The following SPTBN1 variants were observed in gnomAD, a reference collection of about 807,000 sequenced individuals.
SPTBN1 encodes spectrin beta chain, non-erythrocytic 1.
SPTBN1 carries 32 observed loss-of-function variants against 266.4 expected under a neutral mutation model. The observed-to-expected ratio is 0.12, with a 90% CI of 0.09 to 0.16. SPTBN1 has a LOEUF of 0.16. Among genes scored for constraint, SPTBN1 ranks in the 10% least tolerant of loss-of-function variants. SPTBN1 has a pLI of 1.00. For synonymous variants in SPTBN1, 1,336 were observed against 1,162.2 expected (o/e 1.15, Z -3.04); for missense variants, 2,296 against 3,067.1 (o/e 0.75, Z 5.94).
At position 54,649,795 on chromosome 2, in the gene SPTBN1, G is replaced by T. The variant is rs1181161162; in HGVS notation, c.5383G>T (p.Asp1795Tyr). Residue 1795 changes from aspartate (D) to tyrosine (Y), a missense_variant, in exon 26 of 36, where the codon GAC (aspartate) becomes TAC (tyrosine). Asp to Tyr is a radical substitution (Grantham distance 160). Coordinates refer to ENST00000356805, the MANE Select transcript of SPTBN1 (RefSeq NM_003128.3). The surrounding 1 kb of genome is among the most constrained non-coding windows in gnomAD (Gnocchi z 6.7). ...EAWADLLELIDTRTQILAASY... is the reference protein window; with the variant it reads ...EAWADLLELIYTRTQILAASY... ...CTGGGCCGACCTCCTGGAGCTCATT[G>T]ACACAAGAACACAGATTCTTGCCGC... is the stretch of plus-strand genomic sequence containing the variant. 3 of 1,614,074 alleles carry T rather than the reference G, an allele frequency of 1.9e-6. No homozygotes were observed. Among genetic ancestry groups the T allele is most frequent in the African/African-American group, 1.3e-5 (1 of 74,930 alleles).
At position 54,649,510 on chromosome 2, in the gene SPTBN1, C is replaced by T; in HGVS notation, c.5203-105C>T. 1 of 1,469,440 alleles carries T rather than the reference C, an allele frequency of 6.8e-7. No individual in the cohort carries two copies. 91.0% of individuals were successfully genotyped at this position (1,469,440 alleles called of 1,614,324 possible). The stretch of plus-strand genomic sequence containing the variant: ...GTTCTGAAGTCATGAGTATTATTGG[C>T]TACATCTTGCTTAGAGGCAGTTTCT... On this transcript the variant is annotated intron_variant, in intron 25 of 35. Transcript: ENST00000356805. This position sits in a 1 kb window ranked among gnomAD's most constrained non-coding sequence, Gnocchi z 6.7.
chr2:54,505,294 C>G (rs994191564), intron 1 of SPTBN1, among the ~76,000 whole-genome samples: 2 of 152,170 alleles, frequency 1.3e-5, no homozygotes, highest in Non-Finnish European at 2.9e-5. Flanking sequence ...ACACAGTACT[C>G]AGTTCTTTCT....
At chr2:54,480,022 A>G (rs1668021314) in intron 1 of SPTBN1, among the ~76,000 whole-genome samples, 1 of 152,148 alleles carries the variant, frequency 6.6e-6, no homozygotes, top group Non-Finnish European at 1.5e-5. Context: ...CACCTGCTCA[A>G]ACTTAATTGC....
intron 10 of SPTBN1, among the ~76,000 whole-genome samples, 164 bp from the exon 11 acceptor site, chr2:54,624,640 T>G (rs78071415): frequency 0.024 from 3,615 of 152,216 alleles, 145 homozygotes; most frequent in African/African-American, 0.08. Context: ...GAAAAACCCG[T>G]TTTTTTCCTC....
chr2:54,630,763 T>G, intron 15 of SPTBN1, 92 bp from the exon 16 acceptor site: 1 of 1,407,000 alleles, frequency 7.1e-7, no homozygotes, highest in Non-Finnish European at 9.4e-7. Flanking sequence ...AGAAAACAGA[T>G]AAGCAGCATT....
In SPTBN1 at chr2:54,668,464, C is replaced by A. The variant is rs763270621; in HGVS notation, c.6990C>A (p.Pro2330=). 1 of 1,614,218 alleles carries A rather than the reference C, an allele frequency of 6.2e-7. No homozygotes were observed. Among genetic ancestry groups the A allele is most frequent in the Non-Finnish European group, 8.5e-7 (1 of 1,180,036 alleles). ...CATCCAGCCGCGCGCAGACCCTCCC[C>A]ACCAGCGTCGTCACCATCACCAGCG... ...TPASSRAQTL[P]TSVVTITSES... The change falls in exon 36 of 36, where the codon CCC becomes CCA. Residue 2330 remains proline, a synonymous_variant. Coordinates refer to ENST00000356805, the MANE Select transcript of SPTBN1 (RefSeq NM_003128.3).
chr2:54,514,004 C>T (rs776717692), intron 1 of SPTBN1, among the ~76,000 whole-genome samples: 5 of 152,078 alleles, frequency 3.3e-5, no homozygotes, highest in South Asian at 2.1e-4. Flanking sequence ...TATATGTAAG[C>T]GGAGAAGAAG....
Position 54,625,935 on chromosome 2 carries a change from A to C in SPTBN1, c.1345A>C (p.Asn449His). The C allele has an allele frequency of 6.2e-7, 1 of 1,612,428 alleles. No homozygotes were observed. The highest frequency in any genetic ancestry group is 8.5e-7 in the Non-Finnish European group (1 of 1,178,522). Residue 449 changes from asparagine to histidine, a missense_variant, in exon 12 of 36, where the codon AAC becomes CAC. By Grantham distance (68) the Asn-to-His change is moderately conservative (BLOSUM62 1). Around this residue, in one of 12 missense-constraint regions of SPTBN1, gnomAD observed 148 missense variants for 203.8 expected, o/e 0.73. Coordinates refer to ENST00000356805, the MANE Select transcript of SPTBN1 (RefSeq NM_003128.3). ...SENQRLVSQD[N>H]FGFDLPAVEA... ...TTTTCATTCCGTTTCTCTGTAGGAC[A>C]ACTTTGGGTTTGACCTTCCTGCAGT... is the stretch of plus-strand genomic sequence containing the variant.
chr2:54,474,182 G>C (rs893844617), intron 1 of SPTBN1, among the ~76,000 whole-genome samples: 1 of 152,234 alleles, frequency 6.6e-6, no homozygotes, highest in Non-Finnish European at 1.5e-5. Context: ...AATTGAACTT[G>C]TTGAACTGGT....
chr2:54,458,793 G>A (rs1003961357), intron 1 of SPTBN1, among the ~76,000 whole-genome samples: 1 of 152,170 alleles, frequency 6.6e-6, no homozygotes. Flanking sequence ...AGGTGAAAAA[G>A]GAAATTTCAA....
chr2:54,609,965 G>A (rs1677101174), intron 3 of SPTBN1, among the ~76,000 whole-genome samples: 1 of 152,162 alleles, frequency 6.6e-6, no homozygotes, highest in Non-Finnish European at 1.5e-5. Flanking sequence ...AGTAGAGTTA[G>A]CCTATCCCTT....
chr2:54,464,914 A>G (rs1006064484), intron 1 of SPTBN1, among the ~76,000 whole-genome samples: 2 of 151,878 alleles, frequency 1.3e-5, no homozygotes, highest in Admixed American at 1.3e-4. Flanking sequence ...CTGGTCTTCA[A>G]CTCCTGAACT....
At chr2:54,507,426 A>G (rs941671783) in intron 1 of SPTBN1, among the ~76,000 whole-genome samples, 5 of 152,184 alleles carry the variant, frequency 3.3e-5, no homozygotes, top group African/African-American at 1.2e-4. Context: ...GACTGGGGCA[A>G]CATGGAAACC....
chr2:54,606,350 G>C (rs998786645), intron 3 of SPTBN1, among the ~76,000 whole-genome samples: 15 of 152,190 alleles, frequency 9.9e-5, no homozygotes, highest in Admixed American at 3.3e-4. Flanking sequence ...GGCTGCTGCA[G>C]TTAGAAGTTT....
chr2:54,628,703 A>G lies in SPTBN1; in HGVS notation c.1799-230A>G, dbSNP rs1678519463. Among the ~76,000 whole-genome samples the G allele has an allele frequency of 6.6e-6, 1 of 152,166 alleles. No individual in the cohort carries two copies. The highest frequency in any genetic ancestry group is 6.5e-5 in the Admixed American group (1 of 15,288). On this transcript the variant is annotated intron_variant, in intron 13 of 35. Coordinates refer to ENST00000356805, the MANE Select transcript of SPTBN1 (RefSeq NM_003128.3). This position sits in a 1 kb window ranked among gnomAD's most constrained non-coding sequence, Gnocchi z 4.3. ...AGTGCTTTCTTGCAGGAGGATGATC[A>G]CTTTGTCTGCGGTTTGGCCAAAAAA...
chr2:54,567,678 A>G (rs1272492362), intron 2 of SPTBN1, among the ~76,000 whole-genome samples: 6 of 152,226 alleles, frequency 3.9e-5, no homozygotes, highest in Non-Finnish European at 7.3e-5. Context: ...AGCAATGCAC[A>G]TGATACCCAC....
Position 54,645,593 on chromosome 2 carries a change from C to G in SPTBN1, c.4494+140C>G. ...TGCCAAAGTCCACGCTCTGGATGGT[C>G]TAAAGTTTCTTTCCCTTTTCACCCT... On this transcript the variant is annotated intron_variant, in intron 21 of 35. Coordinates refer to ENST00000356805, the MANE Select transcript of SPTBN1 (RefSeq NM_003128.3). The surrounding 1 kb of genome is among the most constrained non-coding windows in gnomAD (Gnocchi z 4.3). The G allele has an allele frequency of 2.4e-6, 2 of 841,036 alleles. No homozygotes were observed. The highest frequency in any genetic ancestry group is 3.6e-5 in the South Asian group (2 of 56,284). The allele number at this position is 841,036 out of a possible 1,614,324, so 52.1% of individuals were successfully genotyped here.
In SPTBN1 at chr2:54,669,075, C is replaced by T. The variant is rs111914592; in HGVS notation, c.*506C>T. The T allele has an allele frequency of 5.2e-3, 859 of 165,584 alleles. 12 individuals carry two copies. The highest frequency in any genetic ancestry group is 0.02 in the African/African-American group (827 of 41,632). 10.3% of individuals were successfully genotyped at this position (165,584 alleles called of 1,614,324 possible). A position where few individuals can be genotyped will look rare whatever the true frequency, so the allele number is the denominator to read the frequency against. On this transcript the variant is annotated 3_prime_UTR_variant, in exon 36 of 36. Coordinates refer to ENST00000356805, the MANE Select transcript of SPTBN1 (RefSeq NM_003128.3). ...GCATATTATGATCTTGCTGCAGCCACAGTGCAGCTCCACATTAACTCTACA... is the reference window on the plus strand; with the variant it reads ...GCATATTATGATCTTGCTGCAGCCATAGTGCAGCTCCACATTAACTCTACA...
intron 2 of SPTBN1, among the ~76,000 whole-genome samples, chr2:54,531,103 C>T (rs1671209960): frequency 6.6e-6 from 1 of 152,146 alleles, no homozygotes; most frequent in Non-Finnish European, 1.5e-5. Flanking sequence ...GAGTTGTAAC[C>T]TTTATAATAA....
Sources: gnomAD v4.1 joint callset for allele counts (sites outside exome capture counted in the v4.1 genomes callset) on GRCh38, gnomAD v4.1.1 for gene constraint, gnomAD v4.1.1 regional missense constraint, Gnocchi (gnomAD v3.1) non-coding constraint, MANE v1.5 for transcripts, NCBI Gene and HGNC (gene_info 2026-07-23, HGNC 2026-07-21) for gene names.